The following MAML2 variants were observed in gnomAD, a reference collection of about 807,000 sequenced individuals.
The protein encoded by MAML2 is mastermind-like protein 2.
MAML2 carries 22 observed loss-of-function variants against 96.1 expected under a neutral mutation model. That is an observed-to-expected ratio of 0.23 (90% CI 0.16 to 0.33). MAML2 has a LOEUF of 0.33. MAML2 is among the 10% of genes least tolerant of loss of function. The pLI is 1.00. For synonymous variants in MAML2, 561 were observed against 521.3 expected (o/e 1.08, Z -1.04); for missense variants, 1,367 against 1,392.4 (o/e 0.98, Z 0.29).
chr11:96,262,121 C>T (rs151258208), intron 1 of MAML2, among the ~76,000 whole-genome samples: 1 of 152,156 alleles, frequency 6.6e-6, no homozygotes, highest in Non-Finnish European at 1.5e-5. Flanking sequence ...TTTTCACAAG[C>T]ATTCTGGGAC....
At chr11:96,110,125 C>G (rs1860092894) in intron 1 of MAML2, among the ~76,000 whole-genome samples, 1 of 152,100 alleles carries the variant, frequency 6.6e-6, no homozygotes, top group Admixed American at 6.6e-5. Flanking sequence ...TCGGTGGCAT[C>G]TGGCATTTGA....
intron 2 of MAML2, among the ~76,000 whole-genome samples, chr11:96,011,121 G>T (rs758988083): frequency 1.3e-5 from 2 of 152,162 alleles, no homozygotes; most frequent in Non-Finnish European, 2.9e-5. Context: ...TGCACTGCTG[G>T]TGGGAATTGT....
chr11:96,074,117 T>C (rs527520068), intron 2 of MAML2, among the ~76,000 whole-genome samples: 1 of 152,152 alleles, frequency 6.6e-6, no homozygotes, highest in South Asian at 2.1e-4. Context: ...AAATGAAATA[T>C]AGCAAATCCA....
chr11:95,988,413 C>A (rs1226381479), intron 3 of MAML2, among the ~76,000 whole-genome samples: 2 of 151,518 alleles, frequency 1.3e-5, no homozygotes, highest in Non-Finnish European at 2.9e-5. Context: ...TGCCCGCCAT[C>A]ATGCCCAGCT....
At chr11:96,228,972 C>CA (rs10672512) in intron 1 of MAML2, among the ~76,000 whole-genome samples, 21,531 of 148,872 alleles carry the variant, frequency 0.14, 1,826 homozygotes, top group African/African-American at 0.23. Context: ...TCTAGTTGAA[C>CA]AAAAAAAAAA....
At chr11:95,998,744 G>C (rs560256844) in intron 2 of MAML2, among the ~76,000 whole-genome samples, 1 of 152,146 alleles carries the variant, frequency 6.6e-6, no homozygotes, top group Non-Finnish European at 1.5e-5. Context: ...TATGATGACC[G>C]AATCTTTTAG....
intron 1 of MAML2, among the ~76,000 whole-genome samples, chr11:96,247,566 C>G (rs1446890139): frequency 6.6e-6 from 1 of 152,188 alleles, no homozygotes; most frequent in Non-Finnish European, 1.5e-5. Context: ...CAGACGCCCA[C>G]TGCCACTGCC....
At position 96,133,201 on chromosome 11, in the gene MAML2, A is replaced by G. The variant is rs370185247; in HGVS notation, c.514-39684T>C. Among the ~76,000 whole-genome samples the G allele has an allele frequency of 3.3e-5, 5 of 152,348 alleles. No homozygotes were observed. In the East Asian group the frequency reaches 7.7e-4, roughly 23 times the overall value. Reference sequence around the variant, plus strand: ...TTCAAACATAATGAACACATTGAAAAGGAACCATTAAAAGAAATCATTCTA... The same window carrying G: ...TTCAAACATAATGAACACATTGAAAGGGAACCATTAAAAGAAATCATTCTA... On this transcript the variant is annotated intron_variant, in intron 1 of 4. Transcript: ENST00000524717.
At chr11:96,274,330 C>T (rs1478268313) in intron 1 of MAML2, among the ~76,000 whole-genome samples, 5 of 152,108 alleles carry the variant, frequency 3.3e-5, no homozygotes, top group Admixed American at 3.3e-4. Context: ...GATCGGCCCA[C>T]CTCGGCCTTC....
At chr11:96,006,874 C>T (rs1219894539) in intron 2 of MAML2, among the ~76,000 whole-genome samples, 2 of 47,510 alleles carry the variant, frequency 4.2e-5, no homozygotes, top group South Asian at 8.9e-4. Context: ...ATATCTTATA[C>T]ACACACACAC....
intron 1 of MAML2, among the ~76,000 whole-genome samples, chr11:96,131,518 C>T (rs1860549269): frequency 6.6e-6 from 1 of 152,130 alleles, no homozygotes; most frequent in Non-Finnish European, 1.5e-5. Flanking sequence ...ATGAAACATT[C>T]TCCAGGATAA....
At chr11:96,309,157 G>A (rs1863504142) in intron 1 of MAML2, among the ~76,000 whole-genome samples, 1 of 152,164 alleles carries the variant, frequency 6.6e-6, no homozygotes, top group Admixed American at 6.5e-5. Context: ...TTTTTGGAGA[G>A]AATGTACTCC....
chr11:96,226,411 T>C (rs1308399351), intron 1 of MAML2, among the ~76,000 whole-genome samples: 5 of 152,194 alleles, frequency 3.3e-5, no homozygotes, highest in Non-Finnish European at 7.3e-5. Context: ...AGAGCAATCA[T>C]TGCCAATAAT....
intron 1 of MAML2, among the ~76,000 whole-genome samples, chr11:96,097,919 T>G (rs1252421115): frequency 6.6e-6 from 1 of 152,136 alleles, no homozygotes; most frequent in Non-Finnish European, 1.5e-5. Flanking sequence ...GATTACACAG[T>G]AAAGATATGG....
intron 1 of MAML2, among the ~76,000 whole-genome samples, chr11:96,196,047 G>A (rs1443880975): frequency 6.6e-6 from 1 of 152,056 alleles, no homozygotes; most frequent in East Asian, 1.9e-4. Context: ...TCATTTCCTT[G>A]CATAGATACA....
At chr11:96,045,002 C>A (rs758809988) in intron 2 of MAML2, among the ~76,000 whole-genome samples, 1 of 151,964 alleles carries the variant, frequency 6.6e-6, no homozygotes, top group Non-Finnish European at 1.5e-5. Context: ...GTTTTGCCTA[C>A]ACAAGAGCAC....
chr11:96,031,943 G>A (rs1268371108), intron 2 of MAML2, among the ~76,000 whole-genome samples: 6 of 151,922 alleles, frequency 3.9e-5, no homozygotes, highest in Non-Finnish European at 8.8e-5. Flanking sequence ...CTGAGATTGC[G>A]CCACTGCACT....
intron 1 of MAML2, among the ~76,000 whole-genome samples, chr11:96,269,011 A>C (rs1404118393): frequency 1.4e-5 from 2 of 145,312 alleles, no homozygotes; most frequent in Non-Finnish European, 3.0e-5. Flanking sequence ...AAATCTCTAA[A>C]ACTGAGAAAC....
intron 2 of MAML2, among the ~76,000 whole-genome samples, chr11:96,083,434 T>C (rs997201488): frequency 9.9e-5 from 15 of 152,190 alleles, no homozygotes; most frequent in African/African-American, 2.4e-4. Flanking sequence ...CCCCCATCAA[T>C]AGGGCCTCTT....
Sources: gnomAD v4.1 joint callset for allele counts (sites outside exome capture counted in the v4.1 genomes callset) on GRCh38, gnomAD v4.1.1 for gene constraint, MANE v1.5 for transcripts, NCBI Gene and HGNC (gene_info 2026-07-23, HGNC 2026-07-21) for gene names.